SNED1: variants seen among roughly 807,000 people sequenced by gnomAD.
SNED1 encodes sushi, nidogen and EGF like domains 1.
A neutral mutation model predicts 166.7 loss-of-function variants in SNED1; 81 were observed. The ratio of observed to expected loss-of-function variants is 0.49; its 90% CI spans 0.41 to 0.58. The LOEUF (loss-of-function observed/expected upper bound fraction) is 0.58. Among genes scored for constraint, SNED1 ranks in the 20% least tolerant of loss-of-function variants. The pLI, the probability that SNED1 is intolerant of heterozygous loss-of-function variation, is 0.00. For missense variants in SNED1, 1,604 were observed against 2,000.2 expected (o/e 0.80, Z 3.78); for synonymous variants, 762 against 822.0 (o/e 0.93, Z 1.25).
intron 6 of SNED1, 86 bp from the exon 7 acceptor site, chr2:241,039,989 G>A: frequency 9.3e-7 from 1 of 1,075,744 alleles, no homozygotes; most frequent in Non-Finnish European, 1.4e-6. Flanking sequence ...TTGGGGGTGG[G>A]GCTCAGTGTA....
At position 241,068,699 on chromosome 2, in the gene SNED1, C is replaced by A. The variant is rs2062572086; in HGVS notation, c.3195-212C>A. Among the ~76,000 whole-genome samples, 1 of 152,190 alleles carries A rather than the reference C, an allele frequency of 6.6e-6. No homozygotes were observed. The highest frequency in any genetic ancestry group is 6.5e-5 in the Admixed American group (1 of 15,292). ...GCAGCCCCAAGCGCACCCGATCCTC[C>A]TCCGCTGCCCGGACTATGGGTTGGC... is the stretch of plus-strand genomic sequence containing the variant. On this transcript the variant is annotated intron_variant, in intron 22 of 31. Coordinates refer to ENST00000310397, the MANE Select transcript of SNED1 (RefSeq NM_001080437.3). The surrounding 1 kb of genome is among the most constrained non-coding windows in gnomAD (Gnocchi z 5.3).
At position 241,069,079 on chromosome 2, in the gene SNED1, G is replaced by A. The variant is rs907875130; in HGVS notation, c.3307+56G>A. 1.6e-6 allele frequency: 2 copies of A among 1,273,382 alleles called. No individual in the cohort carries two copies. Among genetic ancestry groups the A allele is most frequent in the South Asian group, 2.7e-5 (2 of 73,750 alleles). 78.9% of individuals were successfully genotyped at this position (1,273,382 alleles called of 1,614,324 possible). On this transcript the variant is annotated intron_variant, in intron 23 of 31. Transcript: ENST00000310397. This position sits in a 1 kb window ranked among gnomAD's most constrained non-coding sequence, Gnocchi z 4.9. ...GAAAGGCCGTCTTCTAGAAGCTCTG[G>A]CTTCCTTCCAGCCTCCCCTAGTCCT...
At chr2:241,004,873 G>C (rs6437226) in intron 1 of SNED1, among the ~76,000 whole-genome samples, 51,506 of 151,532 alleles carry the variant, frequency 0.34, 9,537 homozygotes, top group African/African-American at 0.48. Context: ...AGGCGCCCAC[G>C]ACCACACCTA....
Position 240,998,867 on chromosome 2 carries a change from G to A in SNED1, c.30G>A (p.Leu10=). The A allele has an allele frequency of 8.3e-7, 1 of 1,210,844 alleles. No homozygotes were observed. The highest frequency in any genetic ancestry group is 1.0e-6 in the Non-Finnish European group (1 of 977,212). 75.0% of individuals were successfully genotyped at this position (1,210,844 alleles called of 1,614,324 possible). The change falls in exon 1 of 32, where the codon CTG becomes CTA. Residue 10 remains leucine, a synonymous_variant. Transcript: ENST00000310397. The stretch of plus-strand genomic sequence containing the variant: ...GGCACGGCGTCGCCTGGGCGCTGCT[G>A]GTGGCCGCGGCCCTGGGGCTTGGGG... MRHGVAWAL[L]VAAALGLGAR...
chr2:241,066,697 G>A (rs1244551778), intron 21 of SNED1, among the ~76,000 whole-genome samples: 2 of 152,202 alleles, frequency 1.3e-5, no homozygotes, highest in African/African-American at 4.8e-5. Context: ...CTGCGGGGCG[G>A]CCACGTGAGT....
chr2:241,063,436 G>T, intron 17 of SNED1, 151 bp from the exon 18 acceptor site: 1 of 664,040 alleles, frequency 1.5e-6, no homozygotes, highest in Non-Finnish European at 2.8e-6. Context: ...GGTGGGTTTG[G>T]GGCTGATGGA....
chr2:241,060,917 G>A (rs2062210102), intron 16 of SNED1, among the ~76,000 whole-genome samples: 2 of 151,660 alleles, frequency 1.3e-5, no homozygotes, highest in African/African-American at 4.8e-5. Flanking sequence ...GGGACAGGGT[G>A]AGACCCTGTC....
intron 6 of SNED1, among the ~76,000 whole-genome samples, chr2:241,039,734 C>T (rs1396711467): frequency 1.3e-5 from 2 of 152,190 alleles, no homozygotes; most frequent in Non-Finnish European, 2.9e-5. Flanking sequence ...CAGCTCTTCT[C>T]ACAGTCCACT....
Position 241,087,389 on chromosome 2 carries a change from C to T in SNED1, c.4122-3C>T. 1 of 1,592,280 alleles carries T rather than the reference C, an allele frequency of 6.3e-7. No homozygotes were observed. Among genetic ancestry groups the T allele is most frequent in the African/African-American group, 1.3e-5 (1 of 74,438 alleles). ...GTTTTACAAAGCTTTCTTGTGACAA[C>T]AGGTATAAAAGAGTCTACCGAGTTC... On this transcript the variant is annotated splice_polypyrimidine_tract_variant and splice_region_variant and intron_variant, in intron 29 of 31. Coordinates refer to ENST00000310397, the MANE Select transcript of SNED1 (RefSeq NM_001080437.3).
At chr2:241,007,369 ACTT>A (rs778850111) in intron 1 of SNED1, among the ~76,000 whole-genome samples, 16 of 152,194 alleles carry the variant, frequency 1.1e-4, no homozygotes, top group Non-Finnish European at 2.1e-4. Flanking sequence ...CTTACTCACT[ACTT>A]CATTTGTTCG....
At chr2:241,062,044 AAT>A (rs2062250541) in intron 16 of SNED1, among the ~76,000 whole-genome samples, 1 of 152,206 alleles carries the variant, frequency 6.6e-6, no homozygotes, top group Non-Finnish European at 1.5e-5. Flanking sequence ...GAGAGAAGAC[AAT>A]ATATATCATG....
chr2:241,011,747 C>T (rs2106567511), intron 1 of SNED1, among the ~76,000 whole-genome samples: 1 of 152,318 alleles, frequency 6.6e-6, no homozygotes, highest in African/African-American at 2.4e-5. Flanking sequence ...CCCTGCCCTG[C>T]TTCTAGCTCC....
At position 241,049,814 on chromosome 2, in the gene SNED1, C is replaced by A; in HGVS notation, c.1619-3C>A. On this transcript the variant is annotated splice_region_variant and splice_polypyrimidine_tract_variant and intron_variant, in intron 11 of 31. Coordinates refer to ENST00000310397, the MANE Select transcript of SNED1 (RefSeq NM_001080437.3). ...AGGACCACCCTCTGTCCCCCGCCCC[C>A]AGCCCTGCCATCACCCTGCGACTCG... 1 of 1,612,164 alleles carries A rather than the reference C, an allele frequency of 6.2e-7. No homozygotes were observed. Among genetic ancestry groups the A allele is most frequent in the South Asian group, 1.1e-5 (1 of 91,028 alleles).
At chr2:241,056,199 T>C (rs1419859337) in intron 16 of SNED1, among the ~76,000 whole-genome samples, 2 of 152,104 alleles carry the variant, frequency 1.3e-5, no homozygotes, top group South Asian at 2.1e-4. Flanking sequence ...ATTGAGAGAA[T>C]AGAAAATTTG....
rs552536735 is a variant in SNED1 at position 241,081,793 on chromosome 2, G to A, written c.4033G>A (p.Ala1345Thr). Reference protein sequence around the residue: ...PGFKGRRCELACIKVSRPCTR... With the variant: ...PGFKGRRCELTCIKVSRPCTR... ...GTTCAAAGGCAGACGCTGCGAGCTC[G>A]GTAAGTCGGGGCTTGGCCTCAGGGC... The change falls in exon 28 of 32, where the codon GCC becomes ACC. Residue 1345 changes from alanine (A) to threonine (T), a missense_variant and splice_region_variant. By Grantham distance (58) the Ala-to-Thr change is moderately conservative. Coordinates refer to ENST00000310397, the MANE Select transcript of SNED1 (RefSeq NM_001080437.3). 2.3e-5 allele frequency: 36 copies of A among 1,573,588 alleles called. No individual in the cohort carries two copies. Among genetic ancestry groups the A allele is most frequent in the Admixed American group, 5.5e-5 (3 of 54,096 alleles).
chr2:240,998,671 C>T lies in SNED1; in HGVS notation c.-167C>T, dbSNP rs2059986862. ...TTCCTCTGCGGAGCTGCGGCGAGAG[C>T]GCGGCCCGGCCGAACGGGCGCGGGA... On this transcript the variant is annotated 5_prime_UTR_variant, in exon 1 of 32. Coordinates refer to ENST00000310397, the MANE Select transcript of SNED1 (RefSeq NM_001080437.3). Among the ~76,000 whole-genome samples, 1 of 150,022 alleles carries T rather than the reference C, an allele frequency of 6.7e-6. No homozygotes were observed. The highest frequency in any genetic ancestry group is 1.5e-5 in the Non-Finnish European group (1 of 67,356).
Position 241,071,712 on chromosome 2 carries a change from G to GC in SNED1, c.3732dup (p.Arg1245GlnfsTer54), listed in dbSNP as rs2062727208. 7.7e-6 allele frequency: 7 copies of GC among 904,534 alleles called. No individual in the cohort carries two copies. Among genetic ancestry groups the GC allele is most frequent in the Admixed American group, 2.6e-5 (1 of 38,468 alleles). 56.0% of individuals were successfully genotyped at this position (904,534 alleles called of 1,614,324 possible). On this transcript the variant is annotated frameshift_variant, in exon 25 of 32. Transcript: ENST00000310397. LOFTEE classifies it high-confidence loss of function. ...ACAGCGCCCCCGAGACCCCCACCCA[G>GC]CCCCCCAGGTACATGCCCCACCCAT...
At position 241,037,220 on chromosome 2, in the gene SNED1, C is replaced by T. The variant is rs750001492; in HGVS notation, c.932-20C>T. ...ATCCGGGTTCCCGCCGCTGAGGCCTCAGCCTGCCCCATGTTTCAGACGTGA... is the reference window on the plus strand; with the variant it reads ...ATCCGGGTTCCCGCCGCTGAGGCCTTAGCCTGCCCCATGTTTCAGACGTGA... On this transcript the variant is annotated intron_variant, in intron 5 of 31. Transcript: ENST00000310397. 5 of 1,586,750 alleles carry T rather than the reference C, an allele frequency of 3.2e-6. No homozygotes were observed. Among genetic ancestry groups the T allele is most frequent in the South Asian group, 1.1e-5 (1 of 87,956 alleles).
At chr2:241,043,490 T>G (rs73110173) in intron 8 of SNED1, among the ~76,000 whole-genome samples, 12,173 of 151,902 alleles carry the variant, frequency 0.08, 908 homozygotes, top group African/African-American at 0.19. Flanking sequence ...CCAGCATACC[T>G]GCATTACAAA....
Sources: gnomAD v4.1 joint callset for allele counts (sites outside exome capture counted in the v4.1 genomes callset) on GRCh38, gnomAD v4.1.1 for gene constraint, Gnocchi (gnomAD v3.1) non-coding constraint, MANE v1.5 for transcripts, NCBI Gene and HGNC (gene_info 2026-07-23, HGNC 2026-07-21) for gene names.